The following NRXN1 variants were observed in gnomAD, a reference collection of about 807,000 sequenced individuals.
The protein encoded by NRXN1 is neurexin-1.
In NRXN1, 39 loss-of-function variants were observed where a neutral mutation model predicts 150.9. The observed-to-expected ratio is 0.26, with a 90% CI of 0.20 to 0.34. The LOEUF is 0.34. Ranked by LOEUF, NRXN1 falls within the 10% of genes least tolerant of loss-of-function variation. NRXN1 has a pLI of 1.00. For missense variants in NRXN1, 1,815 were observed against 1,949.9 expected (o/e 0.93, Z 1.30); for synonymous variants, 924 against 757.0 (o/e 1.22, Z -3.62).
At chr2:50,143,240 G>GAT (rs967919424) in intron 18 of NRXN1, among the ~76,000 whole-genome samples, 1 of 151,668 alleles carries the variant, frequency 6.6e-6, no homozygotes, top group Non-Finnish European at 1.5e-5. Flanking sequence ...ATGAAAAGGA[G>GAT]ATACATATAC....
intron 2 of NRXN1, among the ~76,000 whole-genome samples, chr2:51,012,838 G>GACT (rs1668093294): frequency 6.6e-6 from 1 of 152,074 alleles, no homozygotes; most frequent in African/African-American, 2.4e-5. Flanking sequence ...TTCATTTTGT[G>GACT]AGTACTATAA....
intron 2 of NRXN1, among the ~76,000 whole-genome samples, chr2:50,974,837 C>T (rs765354924): frequency 5.9e-5 from 9 of 152,048 alleles, no homozygotes; most frequent in Non-Finnish European, 1.0e-4. Context: ...CACACTCCCA[C>T]GACTCATAAT....
intron 22 of NRXN1, among the ~76,000 whole-genome samples, chr2:49,937,108 TC>T (rs1272657828): frequency 6.6e-6 from 1 of 152,196 alleles, no homozygotes; most frequent in Non-Finnish European, 1.5e-5. Context: ...AGCGCCCCTA[TC>T]TCCTAATTTC....
At chr2:50,069,387 G>C (rs867942570) in intron 19 of NRXN1, among the ~76,000 whole-genome samples, 1 of 152,174 alleles carries the variant, frequency 6.6e-6, no homozygotes, top group South Asian at 2.1e-4. Context: ...GTATCAGATG[G>C]TGTTGTTGTA....
chr2:50,550,192 A>G (rs2105328749), intron 9 of NRXN1, among the ~76,000 whole-genome samples: 1 of 152,190 alleles, frequency 6.6e-6, no homozygotes, highest in South Asian at 2.1e-4. Context: ...CTGAACTTTC[A>G]GAAGATAACC....
chr2:50,098,113 A>G (rs1302442160), intron 18 of NRXN1, among the ~76,000 whole-genome samples: 1 of 152,194 alleles, frequency 6.6e-6, no homozygotes, highest in East Asian at 1.9e-4. Context: ...CACCACATCA[A>G]AAACAAGAAG....
intron 17 of NRXN1, among the ~76,000 whole-genome samples, chr2:50,241,613 C>T (rs1273564104): frequency 6.6e-6 from 1 of 151,760 alleles, no homozygotes; most frequent in African/African-American, 2.4e-5. Flanking sequence ...ACAAAGCTGG[C>T]TCTATCAGAC....
intron 5 of NRXN1, among the ~76,000 whole-genome samples, chr2:50,907,155 A>C (rs1440906441): frequency 6.6e-6 from 1 of 151,914 alleles, no homozygotes. Flanking sequence ...AAAATGCTAC[A>C]AAGAGAAGAA....
intron 21 of NRXN1, among the ~76,000 whole-genome samples, chr2:49,948,582 A>C (rs1673368733): frequency 6.6e-6 from 1 of 152,054 alleles, no homozygotes; most frequent in Non-Finnish European, 1.5e-5. Flanking sequence ...CGCAGTATGA[A>C]AAATCAGGAA....
intron 2 of NRXN1, among the ~76,000 whole-genome samples, chr2:50,953,495 T>G (rs1158810208): frequency 2.0e-5 from 3 of 151,800 alleles, no homozygotes; most frequent in Admixed American, 6.6e-5. Context: ...AAAATTGAAA[T>G]TGAAGAAAAA....
At chr2:50,632,682 T>C (rs1682552054) in intron 5 of NRXN1, 2 of 152,054 alleles carry the variant, frequency 1.3e-5, no homozygotes, top group Non-Finnish European at 2.9e-5. Context: ...ATAAAGACAA[T>C]TTTGTGTCTC....
At chr2:50,515,245 T>G (rs2092594979) in intron 12 of NRXN1, among the ~76,000 whole-genome samples, 1 of 152,188 alleles carries the variant, frequency 6.6e-6, no homozygotes, top group Non-Finnish European at 1.5e-5. Context: ...TGATAATCAG[T>G]CACTGTCTCC....
intron 18 of NRXN1, among the ~76,000 whole-genome samples, chr2:50,108,230 C>A (rs967640235): frequency 6.6e-6 from 1 of 151,986 alleles, no homozygotes; most frequent in African/African-American, 2.4e-5. Context: ...TATACAAAAG[C>A]CAATTAAATG....
At chr2:50,691,780 C>T (rs72887534) in intron 5 of NRXN1, among the ~76,000 whole-genome samples, 1,960 of 152,186 alleles carry the variant, frequency 0.013, 47 homozygotes, top group African/African-American at 0.044. Context: ...ACCCCGAGGG[C>T]TGACTCGGGG....
chr2:50,161,191 A>C (rs941532580), intron 18 of NRXN1, among the ~76,000 whole-genome samples: 22 of 152,306 alleles, frequency 1.4e-4, no homozygotes, highest in Middle Eastern at 3.4e-3. Flanking sequence ...ACCCATCTGC[A>C]TAATGCATTT....
chr2:50,781,016 A>C (rs575563732), intron 5 of NRXN1, among the ~76,000 whole-genome samples: 86 of 152,316 alleles, frequency 5.6e-4, no homozygotes, highest in Non-Finnish European at 1.1e-3. Flanking sequence ...CTGCAGTTTT[A>C]TGAATGCTAG....
At chr2:50,953,263 C>A (rs1457767170) in intron 2 of NRXN1, among the ~76,000 whole-genome samples, 1 of 152,208 alleles carries the variant, frequency 6.6e-6, no homozygotes, top group Non-Finnish European at 1.5e-5. Flanking sequence ...CTGAGTCACA[C>A]TTTCCTAACA....
At chr2:50,535,304 G>A (rs1221730485) in intron 10 of NRXN1, among the ~76,000 whole-genome samples, 1 of 152,218 alleles carries the variant, frequency 6.6e-6, no homozygotes, top group African/African-American at 2.4e-5. Context: ...GAGAAAACCA[G>A]TTTCAACTTT....
At chr2:50,183,000 C>G (rs2060833600) in intron 18 of NRXN1, among the ~76,000 whole-genome samples, 1 of 152,026 alleles carries the variant, frequency 6.6e-6, no homozygotes, top group Admixed American at 6.6e-5. Context: ...ACAATGTATA[C>G]ATACCATAGA....
Sources: gnomAD v4.1 joint callset for allele counts (sites outside exome capture counted in the v4.1 genomes callset) on GRCh38, gnomAD v4.1.1 for gene constraint, MANE v1.5 for transcripts, NCBI Gene and HGNC (gene_info 2026-07-23, HGNC 2026-07-21) for gene names.